The following FABP6 variants were observed in gnomAD, a reference collection of about 807,000 sequenced individuals.
FABP6 encodes the protein fatty acid binding protein 6.
A neutral mutation model predicts 14.9 loss-of-function variants in FABP6; 13 were observed. The observed-to-expected ratio is 0.87, with a 90% CI of 0.57 to 1.39. The LOEUF is 1.39. Among genes scored for constraint, FABP6 ranks in the 40% most tolerant of loss-of-function variants. FABP6 has a pLI of 0.00. For missense variants in FABP6, 161 were observed against 167.2 expected (o/e 0.96, Z 0.20); for synonymous variants, 75 against 63.6 (o/e 1.18, Z -0.85).
At chr5:160,220,690 C>G (rs902445667) in intron 3 of FABP6, among the ~76,000 whole-genome samples, 1 of 151,894 alleles carries the variant, frequency 6.6e-6, no homozygotes, top group Non-Finnish European at 1.5e-5. Flanking sequence ...AGGAAGTGGT[C>G]GGGTAATGTT....
chr5:160,235,023 C>T (rs1474513268), intron 3 of FABP6, 114 bp downstream of exon 3: 1 of 775,446 alleles, frequency 1.3e-6, no homozygotes, highest in East Asian at 2.9e-5. Flanking sequence ...TCCCTTGTAC[C>T]AGGCTCTATG....
chr5:160,238,355 G>A (rs1052277550), intron 3 of FABP6, among the ~76,000 whole-genome samples: 1 of 152,180 alleles, frequency 6.6e-6, no homozygotes, highest in African/African-American at 2.4e-5. Flanking sequence ...TGACATGGGT[G>A]AATGGAGAGG....
At chr5:160,206,316 T>G (rs905076040) in intron 2 of FABP6, among the ~76,000 whole-genome samples, 1 of 152,000 alleles carries the variant, frequency 6.6e-6, no homozygotes, top group African/African-American at 2.4e-5. Context: ...TAATTCCAGC[T>G]ACTTGGGAGG....
At chr5:160,232,012 G>A in intron 1 of FABP6, 86 bp from the exon 2 acceptor site, 1 of 1,482,528 alleles carries the variant, frequency 6.7e-7, no homozygotes, top group Non-Finnish European at 9.2e-7. Flanking sequence ...GGGTAGGGCG[G>A]TGGGGGTGGG....
chr5:160,221,711 T>TC (rs1410529343), intron 3 of FABP6, among the ~76,000 whole-genome samples: 1 of 151,926 alleles, frequency 6.6e-6, no homozygotes, highest in African/African-American at 2.4e-5. Context: ...GGATGGAGTT[T>TC]TTTTTCAGTT....
At chr5:160,213,751 T>G in exon 3 of FABP6, 1 of 1,613,898 alleles carries the variant, frequency 6.2e-7, no homozygotes, top group Non-Finnish European at 8.5e-7. Flanking sequence ...GAGAGCTGTG[T>G]TGTCTGCGTG....
At chr5:160,195,816 C>T (rs1422570) in intron 1 of FABP6, 86,285 of 152,010 alleles carry the variant, frequency 0.57, 24,675 homozygotes, top group Non-Finnish European at 0.6. Flanking sequence ...TATAGAGCAA[C>T]GTGGCTCCCT....
upstream of FABP6, among the ~76,000 whole-genome samples, chr5:160,225,795 G>A (rs549846949): frequency 6.2e-3 from 937 of 152,234 alleles, 9 homozygotes; most frequent in African/African-American, 0.021. Context: ...GTGGCGTGTG[G>A]TTATTGTATA....
chr5:160,230,995 G>A (rs1051295261), intron 1 of FABP6, among the ~76,000 whole-genome samples: 1 of 152,198 alleles, frequency 6.6e-6, no homozygotes, highest in Non-Finnish European at 1.5e-5. Flanking sequence ...CAGTGGATCT[G>A]ACAATCTTGT....
chr5:160,225,805 A>G (rs1046299038), upstream of FABP6, among the ~76,000 whole-genome samples: 8 of 152,186 alleles, frequency 5.3e-5, no homozygotes, highest in Non-Finnish European at 7.3e-5. Context: ...GTTATTGTAT[A>G]TCTGTTACAG....
intron 3 of FABP6, among the ~76,000 whole-genome samples, chr5:160,217,784 A>G (rs1760042691): frequency 6.6e-6 from 1 of 152,128 alleles, no homozygotes; most frequent in Admixed American, 6.5e-5. Flanking sequence ...CTACAGACAC[A>G]TGCCACCATG....
chr5:160,228,964 T>C (rs1760308916), upstream of FABP6, among the ~76,000 whole-genome samples: 1 of 152,132 alleles, frequency 6.6e-6, no homozygotes, highest in Admixed American at 6.5e-5. Context: ...TCCCCAAACA[T>C]GCACTAGCCC....
upstream of FABP6, among the ~76,000 whole-genome samples, chr5:160,226,861 A>G (rs1760258038): frequency 6.6e-6 from 1 of 152,322 alleles, no homozygotes; most frequent in East Asian, 1.9e-4. Context: ...GTAAACTGCT[A>G]TAGCTTTTCT....
At chr5:160,188,912 G>T (rs369264173) in intron 1 of FABP6, among the ~76,000 whole-genome samples, 1 of 152,164 alleles carries the variant, frequency 6.6e-6, no homozygotes, top group African/African-American at 2.4e-5. Context: ...CCAGTCTGCC[G>T]CCTTGAGAGA....
intron 1 of FABP6, among the ~76,000 whole-genome samples, chr5:160,230,550 C>CG (rs1561755582): frequency 6.6e-6 from 1 of 151,410 alleles, no homozygotes; most frequent in East Asian, 2.0e-4. Flanking sequence ...TCAGTAGAGA[C>CG]GGGGTATCAC....
chr5:160,205,921 A>T (rs1019254749), intron 2 of FABP6, among the ~76,000 whole-genome samples: 4 of 152,040 alleles, frequency 2.6e-5, no homozygotes, highest in Admixed American at 1.3e-4. Context: ...TAGTCATGAG[A>T]GATATTAACT....
chr5:160,214,522 C>T (rs995149854), intron 3 of FABP6, among the ~76,000 whole-genome samples: 2 of 150,692 alleles, frequency 1.3e-5, no homozygotes, highest in South Asian at 4.3e-4. Flanking sequence ...CTGTGTTGCC[C>T]ATGCTGGTCT....
chr5:160,209,413 CTTGGGGGACTGAGGCAGGAGGATTAT>C (rs1198186481), intron 2 of FABP6, among the ~76,000 whole-genome samples: 13 of 152,100 alleles, frequency 8.5e-5, no homozygotes, highest in Admixed American at 2.0e-4. Flanking sequence ...TTCCTAGCTA[CTTGGGGGACTGAGGCAGGAGGATTAT>C]TTGAGCCTGG....
chr5:160,224,041 C>T (rs562349090), intron 3 of FABP6, among the ~76,000 whole-genome samples: 7 of 151,876 alleles, frequency 4.6e-5, no homozygotes, highest in African/African-American at 1.7e-4. Context: ...TCGAGACCAT[C>T]CTGGCTAACA....
Sources: allele counts gnomAD v4.1 joint callset (sites outside exome capture counted in the v4.1 genomes callset), GRCh38; gene constraint gnomAD v4.1.1; transcripts MANE v1.5; gene names NCBI Gene and HGNC (gene_info 2026-07-23, HGNC 2026-07-21).